TEAD4: variants seen among roughly 807,000 people sequenced by gnomAD.
TEAD4 encodes the protein transcriptional enhancer factor TEF-3.
A neutral mutation model predicts 52.4 loss-of-function variants in TEAD4; 36 were observed. The ratio of observed to expected loss-of-function variants is 0.69; its 90% CI spans 0.53 to 0.91. TEAD4 has a LOEUF of 0.91. TEAD4 is among the 40% of genes least tolerant of loss of function. TEAD4 has a pLI of 0.00. For missense variants in TEAD4, 508 were observed against 583.9 expected, an observed-to-expected ratio of 0.87 and a Z score of 1.34; for synonymous variants, 220 against 231.0, an observed-to-expected ratio of 0.95 and a Z score of 0.43.
chr12:2,964,413 G>C (rs1206409482), intron 2 of TEAD4, among the ~76,000 whole-genome samples: 1 of 152,042 alleles, frequency 6.6e-6, no homozygotes, highest in Admixed American at 6.6e-5. Flanking sequence ...TGGACAGGGA[G>C]TCCCCAGGCT....
At chr12:2,990,461 CTTTTTTTTTTTTT>C (rs71057876) in intron 2 of TEAD4, among the ~76,000 whole-genome samples, 5 of 67,000 alleles carry the variant, frequency 7.5e-5, no homozygotes, top group African/African-American at 1.8e-4. Flanking sequence ...GACAGATAAT[CTTTTTTTTTTTTT>C]TTTTTTTTTT....
At chr12:2,976,983 T>G (rs2098230260) in intron 2 of TEAD4, among the ~76,000 whole-genome samples, 1 of 152,242 alleles carries the variant, frequency 6.6e-6, no homozygotes, top group African/African-American at 2.4e-5. Flanking sequence ...GCAGGCCTCC[T>G]GCTCCTTCCT....
intron 2 of TEAD4, among the ~76,000 whole-genome samples, chr12:2,966,817 C>T (rs2098220747): frequency 6.6e-6 from 1 of 152,192 alleles, no homozygotes; most frequent in East Asian, 1.9e-4. Context: ...AGCGATTCTC[C>T]TGCCTCAGCT....
At chr12:3,003,809 T>G (rs2098253597) in intron 3 of TEAD4, among the ~76,000 whole-genome samples, 1 of 152,210 alleles carries the variant, frequency 6.6e-6, no homozygotes. Flanking sequence ...GCTGCCTGAC[T>G]GGCCTCCTCC....
At position 3,023,028 on chromosome 12, in the gene TEAD4, G is replaced by C. The variant is rs184443085; in HGVS notation, c.897+1011G>C. On this transcript the variant is annotated intron_variant, in intron 10 of 12. Coordinates refer to ENST00000359864, the MANE Select transcript of TEAD4 (RefSeq NM_003213.4). ...ATATAGACGTTCAGATGGCTTGCCG[G>C]CTCCCGGTGAGCAGCTCCCAGCCTG... is the stretch of plus-strand genomic sequence containing the variant. 2.1e-3 allele frequency among the ~76,000 whole-genome samples: 318 copies of C among 152,348 alleles called. No individual in the cohort carries two copies. The Middle Eastern group carries it at 0.024, about 11-fold the overall frequency.
chr12:3,006,293 T>A (rs1285057002), intron 3 of TEAD4, among the ~76,000 whole-genome samples: 1 of 152,042 alleles, frequency 6.6e-6, no homozygotes, highest in Non-Finnish European at 1.5e-5. Context: ...AGCTGGCAAG[T>A]ATATAGTGCA....
intron 2 of TEAD4, among the ~76,000 whole-genome samples, chr12:2,991,386 G>A (rs1299664345): frequency 6.6e-6 from 1 of 152,182 alleles, no homozygotes; most frequent in African/African-American, 2.4e-5. Context: ...TTCAGGCTGG[G>A]CATGATGGCT....
intron 10 of TEAD4, among the ~76,000 whole-genome samples, chr12:3,025,558 A>G (rs1286114317): frequency 6.6e-6 from 1 of 151,328 alleles, no homozygotes; most frequent in African/African-American, 2.4e-5. Context: ...TTGTTTCGAG[A>G]TGGAGTTTCG....
intron 2 of TEAD4, among the ~76,000 whole-genome samples, chr12:2,973,226 C>T (rs2098226728): frequency 6.6e-6 from 1 of 152,160 alleles, no homozygotes; most frequent in Admixed American, 6.5e-5. Context: ...CACACGCCAC[C>T]ACGCCCGGCT....
intron 8 of TEAD4, among the ~76,000 whole-genome samples, chr12:3,020,341 C>T (rs1331024887): frequency 1.3e-5 from 2 of 151,890 alleles, no homozygotes; most frequent in African/African-American, 2.4e-5. Context: ...GCCTCTCGGT[C>T]CTGCAGGGCC....
At position 3,040,644 on chromosome 12, in the gene TEAD4, A is replaced by G. The variant is rs2098282194; in HGVS notation, c.*166A>G. ...CCTGAACCTGAGGTGCCCAACCCCA[A>G]ATAAACCCAAGATGCTGTGTATTTT... On this transcript the variant is annotated 3_prime_UTR_variant, in exon 13 of 13. Coordinates refer to ENST00000359864, the MANE Select transcript of TEAD4 (RefSeq NM_003213.4). The G allele has an allele frequency of 4.7e-6, 3 of 633,436 alleles. No homozygotes were observed. Among genetic ancestry groups the G allele is most frequent in the Admixed American group, 2.7e-5 (1 of 36,720 alleles). 39.2% of individuals were successfully genotyped at this position (633,436 alleles called of 1,614,324 possible).
At chr12:2,996,265 A>G (rs1273387010) in intron 3 of TEAD4, among the ~76,000 whole-genome samples, 2 of 151,698 alleles carry the variant, frequency 1.3e-5, no homozygotes, top group African/African-American at 4.8e-5. Context: ...CCCACACCCA[A>G]CGCTGGTGCC....
chr12:2,967,411 CTA>C (rs143193069), intron 2 of TEAD4, among the ~76,000 whole-genome samples: 1,624 of 152,216 alleles, frequency 0.011, 26 homozygotes, highest in African/African-American at 0.034. Context: ...CATTCTATGA[CTA>C]TACTATATTT....
intron 10 of TEAD4, among the ~76,000 whole-genome samples, chr12:3,027,213 G>A (rs562808638): frequency 6.5e-4 from 99 of 152,138 alleles, no homozygotes; most frequent in African/African-American, 2.1e-3. Context: ...GGCTGGTCTC[G>A]AACTCCTGAC....
intron 2 of TEAD4, among the ~76,000 whole-genome samples, chr12:2,993,024 C>A (rs1246454752): frequency 6.6e-6 from 1 of 152,136 alleles, no homozygotes; most frequent in East Asian, 1.9e-4. Context: ...AAGACTGTTT[C>A]TTTCAGAAAG....
chr12:3,030,025 G>A (rs984806026), intron 10 of TEAD4, among the ~76,000 whole-genome samples: 1 of 152,152 alleles, frequency 6.6e-6, no homozygotes, highest in Non-Finnish European at 1.5e-5. Flanking sequence ...GTCGGGGGTA[G>A]GGGCCCTGAC....
chr12:3,026,693 A>G (rs1342528221), intron 10 of TEAD4, among the ~76,000 whole-genome samples: 1 of 152,202 alleles, frequency 6.6e-6, no homozygotes, highest in Non-Finnish European at 1.5e-5. Context: ...AATACTGTAG[A>G]AGAAGCTGCA....
chr12:3,022,904 T>C (rs949293115), intron 10 of TEAD4, among the ~76,000 whole-genome samples: 26 of 152,350 alleles, frequency 1.7e-4, no homozygotes, highest in African/African-American at 5.0e-4. Flanking sequence ...TTTCAATGCC[T>C]CTTGTGCAGA....
chr12:3,031,191 G>T (rs2153958168), intron 10 of TEAD4, among the ~76,000 whole-genome samples: 1 of 152,330 alleles, frequency 6.6e-6, no homozygotes, highest in African/African-American at 2.4e-5. Context: ...GAGTCTGAGG[G>T]GGCCCCCAGC....
Sources: allele counts gnomAD v4.1 joint callset (sites outside exome capture counted in the v4.1 genomes callset), GRCh38; gene constraint gnomAD v4.1.1; transcripts MANE v1.5; gene names NCBI Gene and HGNC (gene_info 2026-07-23, HGNC 2026-07-21).